HSD17B12: variants seen among roughly 807,000 people sequenced by gnomAD.
HSD17B12 encodes the protein very-long-chain 3-oxoacyl-CoA reductase.
HSD17B12 carries 32 observed loss-of-function variants against 39.3 expected under a neutral mutation model. That is an observed-to-expected ratio of 0.81 (90% CI 0.61 to 1.09). HSD17B12 has a LOEUF of 1.09. Among genes scored for constraint, HSD17B12 ranks in the 50% least tolerant of loss-of-function variants. The probability of loss-of-function intolerance (pLI) is 0.00; values close to 1 mark genes in which losing one functional copy is unlikely to be tolerated. For missense variants in HSD17B12, 342 were observed against 382.9 expected, an observed-to-expected ratio of 0.89 and a Z score of 0.89; for synonymous variants, 150 against 146.7, an observed-to-expected ratio of 1.02 and a Z score of -0.16.
intron 3 of HSD17B12, among the ~76,000 whole-genome samples, chr11:43,761,078 T>TAGTC (rs148883243): frequency 0.065 from 9,919 of 152,316 alleles, 439 homozygotes; most frequent in Middle Eastern, 0.18. Context: ...GGCAGTGAGC[T>TAGTC]AGTCCCAGGA....
intron 3 of HSD17B12, among the ~76,000 whole-genome samples, chr11:43,780,994 CT>C (rs1950760027): frequency 6.6e-6 from 1 of 152,200 alleles, no homozygotes; most frequent in Non-Finnish European, 1.5e-5. Context: ...TGCATGCAGA[CT>C]AGTCGCACCT....
chr11:43,848,180 G>A (rs545317945), intron 9 of HSD17B12, among the ~76,000 whole-genome samples: 4 of 152,244 alleles, frequency 2.6e-5, no homozygotes, highest in Admixed American at 6.5e-5. Context: ...AAAGATTCTC[G>A]CTGGAAATGT....
At chr11:43,608,016 A>G in the HSD17B12 span, among the ~76,000 whole-genome samples, 1 of 152,236 alleles carries the variant, frequency 6.6e-6, no homozygotes, top group African/African-American at 2.4e-5. Context: ...ATGCTGACAG[A>G]TGGACCATCA....
intron 1 of HSD17B12, among the ~76,000 whole-genome samples, chr11:43,722,608 A>T (rs149173515): frequency 0.059 from 8,914 of 152,200 alleles, 445 homozygotes; most frequent in Non-Finnish European, 0.083. Flanking sequence ...GCACTTTGGG[A>T]GGCCGAGATG....
intron 3 of HSD17B12, among the ~76,000 whole-genome samples, chr11:43,795,813 T>C (rs1052999178): frequency 2.6e-5 from 4 of 152,058 alleles, no homozygotes; most frequent in Non-Finnish European, 5.9e-5. Flanking sequence ...TCAAGACATA[T>C]AGACAAGCAT....
At chr11:43,719,083 A>G (rs1036915390) in intron 1 of HSD17B12, 8 of 778,430 alleles carry the variant, frequency 1.0e-5, no homozygotes, top group African/African-American at 1.0e-4. Flanking sequence ...AGAAGAAAGC[A>G]TATGTTCAAC....
At chr11:43,650,450 A>G in the HSD17B12 span, among the ~76,000 whole-genome samples, 1 of 152,216 alleles carries the variant, frequency 6.6e-6, no homozygotes, top group Non-Finnish European at 1.5e-5. Flanking sequence ...AAGAAAAATG[A>G]GAAAGATGGA....
the HSD17B12 span, among the ~76,000 whole-genome samples, chr11:43,658,354 G>A: frequency 1.2e-3 from 183 of 152,150 alleles, no homozygotes; most frequent in African/African-American, 4.0e-3. Context: ...CCTTTAGGTC[G>A]GAGTAGTTCG....
the HSD17B12 span, among the ~76,000 whole-genome samples, chr11:43,666,533 A>G: frequency 1.3e-5 from 2 of 152,146 alleles, no homozygotes; most frequent in Admixed American, 1.3e-4. Flanking sequence ...TTGTAGAGAC[A>G]GCATCTCACC....
In HSD17B12 at chr11:43,838,336, A is replaced by AAC; in HGVS notation, c.558_559dup (p.Ile187ThrfsTer14). The stretch of plus-strand genomic sequence containing the variant: ...TTTTAGATCCAAAGGGGCTATTCTG[A>AAC]ACATTTCATCTGGCAGTGGCATGCT... On this transcript the variant is annotated frameshift_variant, in exon 8 of 11. Transcript: ENST00000278353. LOFTEE classifies it high-confidence loss of function. 6.2e-7 allele frequency: 1 copy of AAC among 1,613,178 alleles called. No individual in the cohort carries two copies. The highest frequency in any genetic ancestry group is 8.5e-7 in the Non-Finnish European group (1 of 1,179,266).
chr11:43,690,377 TATATATATATATATATATATATA>T (rs1565049560), intron 1 of HSD17B12, among the ~76,000 whole-genome samples: 6 of 9,982 alleles, frequency 6.0e-4, no homozygotes, highest in Non-Finnish European at 6.4e-4. Flanking sequence ...TATATATATA[TATATATATATATATATATATATA>T]TATATTTTTT....
intron 3 of HSD17B12, among the ~76,000 whole-genome samples, chr11:43,784,506 C>T (rs1315028353): frequency 6.6e-6 from 1 of 151,868 alleles, no homozygotes; most frequent in African/African-American, 2.4e-5. Context: ...TTATTCCCCC[C>T]TTGGAGAATT....
chr11:43,855,439 G>A lies in HSD17B12; in HGVS notation c.*191G>A, dbSNP rs1289552102. 3 of 363,474 alleles carry A rather than the reference G, an allele frequency of 8.3e-6. No individual in the cohort carries two copies. Among genetic ancestry groups the A allele is most frequent in the African/African-American group, 2.1e-5 (1 of 47,384 alleles). The allele number at this position is 363,474 out of a possible 1,614,324, so 22.5% of individuals were successfully genotyped here. On this transcript the variant is annotated 3_prime_UTR_variant, in exon 11 of 11. Coordinates refer to ENST00000278353, the MANE Select transcript of HSD17B12 (RefSeq NM_016142.3). ...CTGACATATATTCTGGATACTATCC[G>A]AGGTAATTTTGAAGTTTAATATAAA...
At position 43,855,149 on chromosome 11, in the gene HSD17B12, G is replaced by GT. The variant is rs1951571015; in HGVS notation, c.840_841insT (p.Ile281TyrfsTer62). ...CTCTCATTCTGTTTCCCTAGGGCTC[G>GT]ATAATCTCAAACCTGCCTTCTTGGA... On this transcript the variant is annotated frameshift_variant, in exon 11 of 11. Coordinates refer to ENST00000278353, the MANE Select transcript of HSD17B12 (RefSeq NM_016142.3). LOFTEE classifies it low-confidence loss of function (END_TRUNC). The GT allele has an allele frequency of 6.2e-7, 1 of 1,601,368 alleles. No individual in the cohort carries two copies. The highest frequency in any genetic ancestry group is 1.3e-5 in the African/African-American group (1 of 74,442).
chr11:43,705,887 C>T (rs578180603), intron 1 of HSD17B12, among the ~76,000 whole-genome samples: 1 of 149,916 alleles, frequency 6.7e-6, no homozygotes, highest in African/African-American at 2.5e-5. Context: ...CTCAGCCTCT[C>T]TAGTAGCTGG....
chr11:43,782,880 G>A (rs7938400), intron 3 of HSD17B12, among the ~76,000 whole-genome samples: 4,992 of 152,248 alleles, frequency 0.033, 295 homozygotes, highest in African/African-American at 0.11. Flanking sequence ...AGAGACAAAA[G>A]TTATCATCAT....
intron 1 of HSD17B12, among the ~76,000 whole-genome samples, chr11:43,701,972 C>T (rs1949969221): frequency 6.6e-6 from 1 of 152,082 alleles, no homozygotes; most frequent in South Asian, 2.1e-4. Context: ...CATGGAATAT[C>T]TTCCAATTTT....
intron 3 of HSD17B12, among the ~76,000 whole-genome samples, chr11:43,777,906 A>G (rs1225445353): frequency 1.3e-5 from 2 of 152,160 alleles, no homozygotes; most frequent in Non-Finnish European, 2.9e-5. Flanking sequence ...TGACACCCTG[A>G]CATCACAATT....
chr11:43,848,261 T>C (rs920966418), intron 9 of HSD17B12, among the ~76,000 whole-genome samples: 4 of 152,212 alleles, frequency 2.6e-5, no homozygotes, highest in South Asian at 2.1e-4. Context: ...TTTGGGCTCA[T>C]TGGACTCAGA....
Sources: gnomAD v4.1 joint callset for allele counts (sites outside exome capture counted in the v4.1 genomes callset) on GRCh38, gnomAD v4.1.1 for gene constraint, MANE v1.5 for transcripts, NCBI Gene and HGNC (gene_info 2026-07-23, HGNC 2026-07-21) for gene names.